The following SENP5 variants were observed in gnomAD, a reference collection of about 807,000 sequenced individuals.
SENP5 encodes SUMO specific peptidase 5.
In SENP5, 21 loss-of-function variants were observed where a neutral mutation model predicts 74.2. That is an observed-to-expected ratio of 0.28 (90% confidence interval 0.20 to 0.41). The LOEUF (loss-of-function observed/expected upper bound fraction) is 0.41. Among genes scored for constraint, SENP5 ranks in the 10% least tolerant of loss-of-function variants. SENP5 has a pLI of 1.00. For synonymous variants in SENP5, 311 were observed against 312.7 expected (o/e 0.99, Z 0.06); for missense variants, 717 against 889.1 (o/e 0.81, Z 2.46).
At chr3:196,909,682 GC>G (rs1227452404) in intron 6 of SENP5, among the ~76,000 whole-genome samples, 8 of 152,160 alleles carry the variant, frequency 5.3e-5, no homozygotes, top group Non-Finnish European at 1.0e-4. Flanking sequence ...TTCAGTAGAT[GC>G]AGAAAAGACC....
chr3:196,896,765 A>G (rs1714458846), intron 2 of SENP5, among the ~76,000 whole-genome samples: 1 of 152,122 alleles, frequency 6.6e-6, no homozygotes, highest in Admixed American at 6.6e-5. Context: ...CTATTTGTAA[A>G]GTAGGGATAC....
At chr3:196,873,956 G>C (rs35243253) in intron 1 of SENP5, among the ~76,000 whole-genome samples, 1 of 151,738 alleles carries the variant, frequency 6.6e-6, no homozygotes, top group Non-Finnish European at 1.5e-5. Flanking sequence ...TTCTGCCTCA[G>C]CCTCTTGAGT....
chr3:196,927,866 C>G lies in SENP5; in HGVS notation c.2093C>G (p.Thr698Ser). 1 of 1,608,518 alleles carries G rather than the reference C, an allele frequency of 6.2e-7. No individual in the cohort carries two copies. The highest frequency in any genetic ancestry group is 8.5e-7 in the Non-Finnish European group (1 of 1,174,942). ...CCTGAATTTCTTCAGGGTTGGCAGA[C>G]TGCTGTTACGAAGGTAAGTATGTGA... The part of the protein sequence containing the change: ...NRPEFLQGWQ[T>S]AVTKCIPQQK... Residue 698 changes from threonine to serine, a missense_variant, in exon 8 of 10, where the codon ACT becomes AGT. By Grantham distance (58) the Thr-to-Ser change is moderately conservative. This residue lies in a region of SENP5 where 85 missense variants were observed against 188.9 expected (regional missense o/e 0.45). Coordinates refer to ENST00000323460, the MANE Select transcript of SENP5 (RefSeq NM_152699.5).
chr3:196,899,168 T>A (rs1714592376), intron 2 of SENP5, among the ~76,000 whole-genome samples: 1 of 152,112 alleles, frequency 6.6e-6, no homozygotes, highest in Admixed American at 6.6e-5. Context: ...TAATAACTTA[T>A]CAAGATGTAT....
At chr3:196,922,589 C>T (rs1715662415) in intron 6 of SENP5, among the ~76,000 whole-genome samples, 1 of 152,102 alleles carries the variant, frequency 6.6e-6, no homozygotes, top group African/African-American at 2.4e-5. Flanking sequence ...GCTGGGACTG[C>T]AGGCATGCAC....
intron 1 of SENP5, among the ~76,000 whole-genome samples, chr3:196,873,023 G>A (rs957262002): frequency 6.7e-6 from 1 of 150,270 alleles, no homozygotes; most frequent in Non-Finnish European, 1.5e-5. Flanking sequence ...CTGTTTTGAG[G>A]TATTGTTCTT....
intron 2 of SENP5, among the ~76,000 whole-genome samples, chr3:196,892,002 G>A (rs1181872099): frequency 6.6e-6 from 1 of 152,036 alleles, no homozygotes; most frequent in Non-Finnish European, 1.5e-5. Flanking sequence ...GTGTTAGCCA[G>A]GATGGTCTCA....
intron 1 of SENP5, among the ~76,000 whole-genome samples, chr3:196,870,909 G>A (rs1712498138): frequency 6.6e-6 from 1 of 152,030 alleles, no homozygotes; most frequent in African/African-American, 2.4e-5. Flanking sequence ...GGTGGCTCAT[G>A]CCTGTAATCC....
Position 196,905,983 on chromosome 3 carries a change from T to C in SENP5, c.1884+2373T>C, listed in dbSNP as rs570274819. 2.2e-4 allele frequency among the ~76,000 whole-genome samples: 34 copies of C among 152,222 alleles called. No individual in the cohort carries two copies. In the South Asian group the frequency reaches 4.8e-3, roughly 21 times the overall value. The stretch of plus-strand genomic sequence containing the variant: ...CCCCGTAATCCCAGCACTTTGGAAG[T>C]CTGAGGCAGGCAGATCACTTGAGGT... On this transcript the variant is annotated intron_variant, in intron 6 of 9. Transcript: ENST00000323460.
intron 6 of SENP5, among the ~76,000 whole-genome samples, chr3:196,917,120 C>G (rs1321210409): frequency 6.6e-6 from 1 of 151,886 alleles, no homozygotes; most frequent in African/African-American, 2.4e-5. Flanking sequence ...GGCAACAGAG[C>G]GAACTCTGTC....
chr3:196,917,768 G>A (rs1715442672), intron 6 of SENP5, among the ~76,000 whole-genome samples: 1 of 152,164 alleles, frequency 6.6e-6, no homozygotes, highest in Non-Finnish European at 1.5e-5. Flanking sequence ...AGCTGTGAGG[G>A]ATTTTGTCAA....
At chr3:196,884,882 T>A (rs886334060) in intron 1 of SENP5, among the ~76,000 whole-genome samples, 2 of 152,106 alleles carry the variant, frequency 1.3e-5, no homozygotes, top group African/African-American at 4.8e-5. Flanking sequence ...TGTGAGCCAC[T>A]GCGCCTGGTC....
At chr3:196,899,094 A>G (rs1471265349) in intron 2 of SENP5, among the ~76,000 whole-genome samples, 8 of 151,894 alleles carry the variant, frequency 5.3e-5, no homozygotes, top group Admixed American at 4.6e-4. Flanking sequence ...AAAAAAAAAA[A>G]AAGTGCCTCA....
intron 6 of SENP5, among the ~76,000 whole-genome samples, chr3:196,917,372 TAG>T (rs143330138): frequency 6.9e-4 from 101 of 145,886 alleles, no homozygotes; most frequent in Non-Finnish European, 8.2e-4. Context: ...AAAGAGGAGG[TAG>T]AGAGAGAGAG....
intron 6 of SENP5, among the ~76,000 whole-genome samples, chr3:196,922,162 A>G (rs948054325): frequency 6.6e-6 from 1 of 152,248 alleles, no homozygotes; most frequent in Non-Finnish European, 1.5e-5. Context: ...GCTACTTATA[A>G]TGTGCTAAAC....
At chr3:196,880,683 C>T (rs1560140219) in intron 1 of SENP5, among the ~76,000 whole-genome samples, 2 of 143,714 alleles carry the variant, frequency 1.4e-5, no homozygotes, top group African/African-American at 5.1e-5. Flanking sequence ...CTTTTGTACC[C>T]CAGGCTGGAG....
At chr3:196,868,380 C>G (rs1475331549) in intron 1 of SENP5, among the ~76,000 whole-genome samples, 1 of 152,258 alleles carries the variant, frequency 6.6e-6, no homozygotes, top group Non-Finnish European at 1.5e-5. Context: ...AGAGGAGGAG[C>G]CGCTGTCACA....
intron 6 of SENP5, among the ~76,000 whole-genome samples, chr3:196,915,910 C>T (rs1715349895): frequency 2.0e-5 from 3 of 152,178 alleles, no homozygotes; most frequent in Admixed American, 2.0e-4. Flanking sequence ...ACTCAATTTC[C>T]TTTGAATACC....
At chr3:196,894,629 C>T (rs1674495085) in intron 2 of SENP5, among the ~76,000 whole-genome samples, 2 of 151,514 alleles carry the variant, frequency 1.3e-5, no homozygotes, top group South Asian at 4.2e-4. Context: ...GCTCTTTTCC[C>T]TGTGGTTCAG....
Sources: gnomAD v4.1 joint callset for allele counts (sites outside exome capture counted in the v4.1 genomes callset) on GRCh38, gnomAD v4.1.1 for gene constraint, gnomAD v4.1.1 regional missense constraint, MANE v1.5 for transcripts, NCBI Gene and HGNC (gene_info 2026-07-23, HGNC 2026-07-21) for gene names.